Variants in ANKH observed in about 807,000 individuals in gnomAD.
ANKH encodes the protein mineralization regulator ANKH.
A neutral mutation model predicts 49.0 loss-of-function variants in ANKH; 15 were observed. The ratio of observed to expected loss-of-function variants is 0.31; its 90% CI spans 0.20 to 0.47. ANKH has a LOEUF of 0.47. ANKH is among the 20% of genes least tolerant of loss of function. The probability of loss-of-function intolerance (pLI) is 1.00; values close to 1 mark genes in which losing one functional copy is unlikely to be tolerated. For synonymous variants in ANKH, 273 were observed against 260.0 expected (o/e 1.05, Z -0.48); for missense variants, 429 against 652.0 (o/e 0.66, Z 3.72).
chr5:14,791,262 A>G (rs1371328266), intron 1 of ANKH, among the ~76,000 whole-genome samples: 1 of 152,116 alleles, frequency 6.6e-6, no homozygotes, highest in African/African-American at 2.4e-5. Flanking sequence ...GGGTGGGCGC[A>G]TGAGCTCAGT....
chr5:14,860,077 C>T (rs576786666), intron 1 of ANKH, among the ~76,000 whole-genome samples: 15 of 152,322 alleles, frequency 9.8e-5, no homozygotes, highest in African/African-American at 3.4e-4. Context: ...AGGCATGAGC[C>T]GCAGGTGGTG....
intron 2 of ANKH, among the ~76,000 whole-genome samples, chr5:14,761,752 T>A: frequency 7.7e-6 from 1 of 130,058 alleles, no homozygotes; most frequent in Non-Finnish European, 1.6e-5. Flanking sequence ...CCATTCCTTG[T>A]CCCCTTTTGC....
At chr5:14,846,407 A>C (rs1425370896) in intron 1 of ANKH, among the ~76,000 whole-genome samples, 2 of 152,236 alleles carry the variant, frequency 1.3e-5, no homozygotes, top group African/African-American at 4.8e-5. Context: ...ATTTACTTGT[A>C]TCCACCTTAA....
At chr5:14,860,782 A>T (rs1449700602) in intron 1 of ANKH, among the ~76,000 whole-genome samples, 1 of 152,100 alleles carries the variant, frequency 6.6e-6, no homozygotes, top group Non-Finnish European at 1.5e-5. Flanking sequence ...TTATTTTGAG[A>T]TGGAGTCTTG....
intron 1 of ANKH, among the ~76,000 whole-genome samples, chr5:14,795,193 A>C (rs1740334677): frequency 6.6e-6 from 1 of 152,234 alleles, no homozygotes; most frequent in African/African-American, 2.4e-5. Context: ...AGCAAAATCC[A>C]GTTGCTGACT....
intron 3 of ANKH, among the ~76,000 whole-genome samples, chr5:14,757,213 G>A (rs1738915398): frequency 6.6e-6 from 1 of 151,940 alleles, no homozygotes; most frequent in Admixed American, 6.6e-5. Context: ...TCTCTAACTG[G>A]GCTACCACCA....
intron 1 of ANKH, among the ~76,000 whole-genome samples, chr5:14,780,904 C>A (rs187400611): frequency 1.3e-5 from 2 of 152,284 alleles, no homozygotes; most frequent in Admixed American, 6.5e-5. Context: ...TTGTAGTAGA[C>A]GAAATCTAGT....
At chr5:14,765,844 A>C (rs1184557045) in intron 2 of ANKH, among the ~76,000 whole-genome samples, 1 of 152,172 alleles carries the variant, frequency 6.6e-6, no homozygotes, top group African/African-American at 2.4e-5. Context: ...CTACATCTGC[A>C]ACTGATTTTT....
At chr5:14,815,233 A>G (rs1241905168) in intron 1 of ANKH, among the ~76,000 whole-genome samples, 1 of 152,220 alleles carries the variant, frequency 6.6e-6, no homozygotes, top group Non-Finnish European at 1.5e-5. Flanking sequence ...TGTCTTCAAG[A>G]GACCACAGGC....
intron 7 of ANKH, among the ~76,000 whole-genome samples, chr5:14,743,728 G>T (rs758526307): frequency 2.2e-4 from 34 of 152,086 alleles, no homozygotes; most frequent in Non-Finnish European, 4.0e-4. Flanking sequence ...GGTGTAGCTC[G>T]CTGGAATGCT....
intron 1 of ANKH, among the ~76,000 whole-genome samples, chr5:14,776,657 T>C (rs954315352): frequency 6.6e-6 from 1 of 152,192 alleles, no homozygotes; most frequent in Non-Finnish European, 1.5e-5. Flanking sequence ...GAAGGTGCTG[T>C]GTCTGGTAAA....
At chr5:14,832,484 G>A (rs1344068100) in intron 1 of ANKH, among the ~76,000 whole-genome samples, 1 of 152,156 alleles carries the variant, frequency 6.6e-6, no homozygotes, top group Non-Finnish European at 1.5e-5. Context: ...ATGGTCCTAA[G>A]GGTAGAGGGG....
chr5:14,765,126 G>A (rs765326793), intron 2 of ANKH, among the ~76,000 whole-genome samples: 3 of 152,134 alleles, frequency 2.0e-5, no homozygotes, highest in African/African-American at 4.8e-5. Flanking sequence ...TGTACTCTTC[G>A]TTTTTGTTTT....
chr5:14,754,333 GT>G (rs70964567), intron 4 of ANKH, among the ~76,000 whole-genome samples: 34,213 of 132,624 alleles, frequency 0.26, 3,874 homozygotes, highest in African/African-American at 0.43. Flanking sequence ...AAAGTTAAGA[GT>G]TTTTTTTTTT....
chr5:14,754,036 A>C (rs1738801339), intron 4 of ANKH, among the ~76,000 whole-genome samples: 1 of 152,222 alleles, frequency 6.6e-6, no homozygotes. Flanking sequence ...ACTTAAAAAG[A>C]GAATTTATTC....
At chr5:14,747,377 C>T (rs576584214) in intron 6 of ANKH, among the ~76,000 whole-genome samples, 3 of 152,102 alleles carry the variant, frequency 2.0e-5, no homozygotes, top group South Asian at 2.1e-4. Flanking sequence ...CCTGGGAGTT[C>T]GAGACCAGCC....
intron 1 of ANKH, among the ~76,000 whole-genome samples, chr5:14,824,768 C>A (rs1476214220): frequency 6.6e-6 from 1 of 152,120 alleles, no homozygotes. Flanking sequence ...TTCTGCCTGG[C>A]CCCTGACTTC....
intron 1 of ANKH, among the ~76,000 whole-genome samples, chr5:14,819,725 G>A (rs549098962): frequency 6.6e-6 from 1 of 152,056 alleles, no homozygotes; most frequent in Non-Finnish European, 1.5e-5. Flanking sequence ...AATTAGCCAG[G>A]CATGGTAGTG....
At position 14,868,259 on chromosome 5, in the gene ANKH, G is replaced by T. The variant is rs549672825; in HGVS notation, c.96+3093C>A. On this transcript the variant is annotated intron_variant, in intron 1 of 11. Coordinates refer to ENST00000284268, the MANE Select transcript of ANKH (RefSeq NM_054027.6). Reference sequence around the variant, plus strand: ...AAAAGATCTGTACATGTTTTTAAAAGAAACCATAAACTGTGATATTTATCA... The same window carrying T: ...AAAAGATCTGTACATGTTTTTAAAATAAACCATAAACTGTGATATTTATCA... Among the ~76,000 whole-genome samples the T allele has an allele frequency of 1.1e-4, 16 of 152,132 alleles. No homozygotes were observed. The South Asian group carries it at 3.1e-3, about 30-fold the overall frequency.
Sources: allele counts gnomAD v4.1 joint callset (sites outside exome capture counted in the v4.1 genomes callset), GRCh38; gene constraint gnomAD v4.1.1; transcripts MANE v1.5; gene names NCBI Gene and HGNC (gene_info 2026-07-23, HGNC 2026-07-21).